Variants in GABRG3 observed in about 807,000 individuals in gnomAD.
The protein encoded by GABRG3 is gamma-aminobutyric acid type A receptor subunit gamma3.
In GABRG3, 25 loss-of-function variants were observed where a neutral mutation model predicts 48.8. The ratio of observed to expected loss-of-function variants is 0.51; its 90% CI spans 0.37 to 0.72. The LOEUF is 0.72. GABRG3 is among the 30% of genes least tolerant of loss of function. The pLI, the probability that GABRG3 is intolerant of heterozygous loss-of-function variation, is 0.00. For synonymous variants in GABRG3, 227 were observed against 217.6 expected (o/e 1.04, Z -0.38); for missense variants, 394 against 577.9 (o/e 0.68, Z 3.26).
chr15:27,532,557 T>C lies in GABRG3; in HGVS notation c.1123-43T>C, dbSNP rs376740318. The C allele has an allele frequency of 2.3e-5, 37 of 1,591,760 alleles. No homozygotes were observed. In the African/African-American group the frequency reaches 4.6e-4, roughly 20 times the overall value. On this transcript the variant is annotated intron_variant, in intron 9 of 9. Transcript: ENST00000615808. ...CTTCATACACCTCAGGGTGTTTTTA[T>C]TGCATTTTACAATGGTTGTTGTGTC...
At chr15:27,282,492 A>G (rs942997209) in intron 3 of GABRG3, among the ~76,000 whole-genome samples, 7 of 152,162 alleles carry the variant, frequency 4.6e-5, no homozygotes, top group African/African-American at 1.4e-4. Flanking sequence ...CCATTCTTCT[A>G]TTAAGCCCAT....
chr15:27,148,038 AG>A (rs1898241427), intron 3 of GABRG3, among the ~76,000 whole-genome samples: 1 of 151,902 alleles, frequency 6.6e-6, no homozygotes, highest in Non-Finnish European at 1.5e-5. Context: ...TTTTTTGAAA[AG>A]ATCAACAAAA....
At chr15:27,144,393 T>G (rs899131711) in intron 3 of GABRG3, among the ~76,000 whole-genome samples, 1 of 152,224 alleles carries the variant, frequency 6.6e-6, no homozygotes, top group Non-Finnish European at 1.5e-5. Flanking sequence ...ATTGTCATTA[T>G]TCAAACTGTC....
intron 3 of GABRG3, among the ~76,000 whole-genome samples, chr15:27,099,752 A>G (rs971977827): frequency 6.6e-6 from 1 of 152,148 alleles, no homozygotes; most frequent in Non-Finnish European, 1.5e-5. Flanking sequence ...ATCCCTGGAA[A>G]GATAAGAGAA....
At chr15:27,517,845 C>T (rs1270370470) in intron 6 of GABRG3, among the ~76,000 whole-genome samples, 5 of 152,166 alleles carry the variant, frequency 3.3e-5, no homozygotes, top group Non-Finnish European at 7.4e-5. Flanking sequence ...TTTATTGCTT[C>T]AGGCTAATCA....
intron 5 of GABRG3, among the ~76,000 whole-genome samples, chr15:27,371,587 A>G (rs1296482339): frequency 6.6e-6 from 1 of 152,178 alleles, no homozygotes; most frequent in East Asian, 1.9e-4. Flanking sequence ...AGGTTAAATG[A>G]TCTTCCAAGG....
rs1356976322 is a variant in GABRG3, at chr15:27,138,433, T to TA, written c.270+111618dup. Reference sequence around the variant, plus strand: ...CATCAAACTCTGTTTTTCCTTGGACTAAAAAATGGGCACTTTTTTCCCAAT... The same window carrying TA: ...CATCAAACTCTGTTTTTCCTTGGACTAAAAAAATGGGCACTTTTTTCCCAAT... On this transcript the variant is annotated intron_variant, in intron 3 of 9. Transcript: ENST00000615808. 3.3e-5 allele frequency among the ~76,000 whole-genome samples: 5 copies of TA among 152,232 alleles called. No homozygotes were observed. The East Asian group carries it at 9.6e-4, about 29-fold the overall frequency.
At chr15:27,190,786 T>G (rs1888270344) in intron 3 of GABRG3, among the ~76,000 whole-genome samples, 1 of 152,128 alleles carries the variant, frequency 6.6e-6, no homozygotes, top group Non-Finnish European at 1.5e-5. Context: ...ATGTGTTTGC[T>G]CTTGCTTTTC....
Position 27,379,784 on chromosome 15 carries a change from A to G in GABRG3, c.574+50896A>G, listed in dbSNP as rs112795833. 2.0e-5 allele frequency among the ~76,000 whole-genome samples: 3 copies of G among 151,928 alleles called. 1 individual carries two copies. Among genetic ancestry groups the G allele is most frequent in the African/African-American group, 7.2e-5 (3 of 41,410 alleles). On this transcript the variant is annotated intron_variant, in intron 5 of 9. Transcript: ENST00000615808. ...GATTTCTGAAGAGAAGTCCAGTGGAACTCTTATCCTCTGCTTCTCTATAGT... is the reference window on the plus strand; with the variant it reads ...GATTTCTGAAGAGAAGTCCAGTGGAGCTCTTATCCTCTGCTTCTCTATAGT...
At position 27,376,317 on chromosome 15, in the gene GABRG3, C is replaced by T. The variant is rs536432469; in HGVS notation, c.574+47429C>T. Among the ~76,000 whole-genome samples, 203 of 152,342 alleles carry T rather than the reference C, an allele frequency of 1.3e-3. 1 individual carries two copies. Among genetic ancestry groups the T allele is most frequent in the African/African-American group, 4.4e-3 (184 of 41,578 alleles). On this transcript the variant is annotated intron_variant, in intron 5 of 9. Transcript: ENST00000615808. Reference sequence around the variant, plus strand: ...AGTGTCTGTGGCTTTTCCTGGTGCACGATGCAAACCATCAGTGGATCTCCC... The same window carrying T: ...AGTGTCTGTGGCTTTTCCTGGTGCATGATGCAAACCATCAGTGGATCTCCC...
At chr15:27,509,756 TC>T (rs1419544860) in intron 6 of GABRG3, among the ~76,000 whole-genome samples, 3 of 152,198 alleles carry the variant, frequency 2.0e-5, no homozygotes, top group Non-Finnish European at 4.4e-5. Context: ...ATTGACCAAA[TC>T]ACCTCTTTGG....
At chr15:27,096,968 G>C (rs1164740721) in intron 3 of GABRG3, among the ~76,000 whole-genome samples, 1 of 149,804 alleles carries the variant, frequency 6.7e-6, no homozygotes, top group Non-Finnish European at 1.5e-5. Flanking sequence ...AGCCTCCCAA[G>C]TAGCTGGGAT....
chr15:27,305,268 T>A (rs1892358710), intron 3 of GABRG3, among the ~76,000 whole-genome samples: 1 of 151,626 alleles, frequency 6.6e-6, no homozygotes, highest in African/African-American at 2.4e-5. Flanking sequence ...AAACATCATT[T>A]AAAATAACTC....
At chr15:27,313,937 C>T (rs1566779624) in intron 3 of GABRG3, among the ~76,000 whole-genome samples, 1 of 151,138 alleles carries the variant, frequency 6.6e-6, no homozygotes. Context: ...ACAAACTAGG[C>T]CCAAAACTAG....
At position 27,236,241 on chromosome 15, in the gene GABRG3, C is replaced by T. The variant is rs1180349809; in HGVS notation, c.271-90568C>T. 3.9e-5 allele frequency among the ~76,000 whole-genome samples: 6 copies of T among 152,140 alleles called. No homozygotes were observed. Among genetic ancestry groups the T allele is most frequent in the South Asian group, 2.1e-4 (1 of 4,828 alleles). On this transcript the variant is annotated intron_variant, in intron 3 of 9. Transcript: ENST00000615808. This position sits in a 1 kb window ranked among gnomAD's most constrained non-coding sequence, Gnocchi z 4.4. Reference sequence around the variant, plus strand: ...CCTGTGGAGACTCTGATGTGCTCAGCGCTACATGAGTGAAGTCCCTCAGTC... The same window carrying T: ...CCTGTGGAGACTCTGATGTGCTCAGTGCTACATGAGTGAAGTCCCTCAGTC...
intron 3 of GABRG3, among the ~76,000 whole-genome samples, chr15:27,188,712 G>C: frequency 6.6e-6 from 1 of 151,986 alleles, no homozygotes. Flanking sequence ...CTTTTGCTGT[G>C]CAGAAGCTCT....
chr15:27,147,019 C>A (rs1447200771), intron 3 of GABRG3, among the ~76,000 whole-genome samples: 1 of 151,682 alleles, frequency 6.6e-6, no homozygotes, highest in Admixed American at 6.6e-5. Flanking sequence ...AAAATATGAC[C>A]CATATATATG....
intron 9 of GABRG3, among the ~76,000 whole-genome samples, chr15:27,531,911 A>G (rs556435378): frequency 2.0e-5 from 3 of 152,174 alleles, no homozygotes; most frequent in Non-Finnish European, 4.4e-5. Context: ...CAAGCATTGT[A>G]GGTGGGCACA....
intron 5 of GABRG3, 81 bp from the exon 6 acceptor site, chr15:27,480,569 C>A: frequency 7.7e-7 from 1 of 1,295,370 alleles, no homozygotes; most frequent in Non-Finnish European, 1.1e-6. Context: ...TCCTGTAATT[C>A]ATTGATCAGA....
Sources: gnomAD v4.1 joint callset for allele counts (sites outside exome capture counted in the v4.1 genomes callset) on GRCh38, gnomAD v4.1.1 for gene constraint, Gnocchi (gnomAD v3.1) non-coding constraint, MANE v1.5 for transcripts, NCBI Gene and HGNC (gene_info 2026-07-23, HGNC 2026-07-21) for gene names.